CCDC88B: variants seen among roughly 807,000 people sequenced by gnomAD.
The protein encoded by CCDC88B is coiled-coil domain-containing protein 88B.
In CCDC88B, 138 loss-of-function variants were observed where a neutral mutation model predicts 183.7. The observed-to-expected ratio is 0.75, with a 90% CI of 0.65 to 0.87. The LOEUF is 0.87. CCDC88B is among the 40% of genes least tolerant of loss of function. The pLI, the probability that CCDC88B is intolerant of heterozygous loss-of-function variation, is 0.00. For synonymous variants in CCDC88B, 835 were observed against 867.5 expected (o/e 0.96, Z 0.66); for missense variants, 1,822 against 1,965.6 (o/e 0.93, Z 1.38).
At chr11:64,341,871 G>C in intron 7 of CCDC88B, 123 bp from the exon 8 acceptor site, 1 of 757,782 alleles carries the variant, frequency 1.3e-6, no homozygotes, top group Non-Finnish European at 1.8e-6. Context: ...TGGGCCATCA[G>C]TGATGTCACA....
At chr11:64,355,650 G>T (rs200882269) in intron 26 of CCDC88B, 22 bp downstream of exon 26, 8 of 1,593,022 alleles carry the variant, frequency 5.0e-6, no homozygotes, top group Non-Finnish European at 6.8e-6. Context: ...ACTGTGGAAG[G>T]AGTAGTATTC....
intron 24 of CCDC88B, among the ~76,000 whole-genome samples, chr11:64,354,939 C>G (rs541133470): frequency 1.7e-5 from 1 of 58,366 alleles, no homozygotes; most frequent in South Asian, 7.8e-4. Flanking sequence ...TCAGCCCCCC[C>G]GCTCCCCTCG....
chr11:64,343,121 C>A, intron 10 of CCDC88B, 58 bp from the exon 11 acceptor site: 1 of 1,465,838 alleles, frequency 6.8e-7, no homozygotes, highest in Non-Finnish European at 9.0e-7. Context: ...TTGGGACCCT[C>A]AGGCGCTGGA....
At chr11:64,356,685 G>A (rs2036556869) in intron 26 of CCDC88B, 1 of 354,558 alleles carries the variant, frequency 2.8e-6, no homozygotes, top group Non-Finnish European at 5.1e-6. Context: ...GACCCGGCTG[G>A]ACCATCAGGA....
intron 2 of CCDC88B, 69 bp from the exon 3 acceptor site, chr11:64,340,838 G>T (rs1340007293): frequency 3.9e-6 from 6 of 1,539,100 alleles, no homozygotes; most frequent in African/African-American, 1.4e-5. Flanking sequence ...TCAGTGGGCG[G>T]GGCCTGAGGG....
chr11:64,347,008 A>T (rs2036139058), intron 14 of CCDC88B, among the ~76,000 whole-genome samples: 1 of 151,224 alleles, frequency 6.6e-6, no homozygotes, highest in Admixed American at 6.6e-5. Flanking sequence ...GTTGGCCAGG[A>T]TGGTCTCAAT....
In CCDC88B at chr11:64,345,156, C is replaced by T. The variant is rs767720029; in HGVS notation, c.2615C>T (p.Ala872Val). The T allele has an allele frequency of 1.5e-5, 23 of 1,539,750 alleles. No individual in the cohort carries two copies. Among genetic ancestry groups the T allele is most frequent in the East Asian group, 4.8e-5 (2 of 41,690 alleles). The change falls in exon 14 of 27, where the codon GCG (alanine) becomes GTG (valine). Residue 872 changes from alanine (A) to valine (V), a missense_variant and splice_region_variant. Transcript: ENST00000356786. ...RERREKEALQ[A>V]ELEKAVVRGK... is the part of the protein sequence containing the mutation. ...CGCCGGGAGAAGGAGGCCCTCCAGG[C>T]GGTAGGTCAGGTTGGGGCTCACCGC...
At position 64,352,753 on chromosome 11, in the gene CCDC88B, G is replaced by A. The variant is rs768594639; in HGVS notation, c.3366G>A (p.Gln1122=). ...CCCTTGTCCATCCCAGGCACGAGCA[G>A]CTGCAGGCCCAGCGGGCCAGCGTGG... The part of the protein sequence containing the change: ...AHRELQGRHE[Q]LQAQRASVEA... The change falls in exon 20 of 27, where the codon CAG becomes CAA. Residue 1122 remains glutamine, a synonymous_variant. Transcript: ENST00000356786. 4 of 1,613,562 alleles carry A rather than the reference G, an allele frequency of 2.5e-6. No individual in the cohort carries two copies. In the Admixed American group the frequency reaches 6.7e-5, roughly 27 times the overall value.
Position 64,357,467 on chromosome 11 carries a change from C to A in CCDC88B, c.*373C>A. 1 of 715,506 alleles carries A rather than the reference C, an allele frequency of 1.4e-6. No individual in the cohort carries two copies. The highest frequency in any genetic ancestry group is 2.6e-6 in the Non-Finnish European group (1 of 383,798). 44.3% of individuals were successfully genotyped at this position (715,506 alleles called of 1,614,324 possible). On this transcript the variant is annotated 3_prime_UTR_variant, in exon 27 of 27. Transcript: ENST00000356786. ...AGTCCCAGTGCTGGGGGACTGTGGC[C>A]TGGGCTGATCTTGAGCCTTAACTGG...
Position 64,357,065 on chromosome 11 carries a change from C to G in CCDC88B, c.4402C>G (p.Arg1468Gly), listed in dbSNP as rs115878644. ...CCCTGAGGTACAGGAACCGGAGAAA[C>G]GTCCCCTCACCCCATCCCTCAGCCA... ...EGPEVQEPEK[R>G]PLTPSLSQ The change falls in exon 27 of 27, where the codon CGT becomes GGT. Residue 1468 changes from arginine to glycine, a missense_variant. Arg to Gly is a moderately radical substitution (Grantham distance 125). Transcript: ENST00000356786. 1,878 of 1,604,938 alleles carry G rather than the reference C, an allele frequency of 1.2e-3. 21 individuals carry two copies. The African/African-American group carries it at 0.023, about 19-fold the overall frequency.
At position 64,357,144 on chromosome 11, in the gene CCDC88B, G is replaced by GCAGCCTTC; in HGVS notation, c.*50_*51insCAGCCTTC. ...AGTGCAGCCTTCTCGGCACTGGAGT[G>GCAGCCTTC]TCAGCGGAGGCCCCAGGCAGCCCAA... On this transcript the variant is annotated 3_prime_UTR_variant, in exon 27 of 27. Coordinates refer to ENST00000356786, the MANE Select transcript of CCDC88B (RefSeq NM_032251.6). The GCAGCCTTC allele has an allele frequency of 6.2e-7, 1 of 1,607,038 alleles. No homozygotes were observed. Among genetic ancestry groups the GCAGCCTTC allele is most frequent in the Non-Finnish European group, 8.5e-7 (1 of 1,173,760 alleles).
At position 64,352,872 on chromosome 11, in the gene CCDC88B, A is replaced by G; in HGVS notation, c.3485A>G (p.Gln1162Arg). Residue 1162 changes from glutamine (Q) to arginine (R), a missense_variant, in exon 20 of 27, where the codon CAG becomes CGG. Transcript: ENST00000356786. ...CTGGAGGAGGAGCTGCGGAGGCTTC[A>G]GAGCGAGCACGACAGGTGCCGCCCC... ...RGLEEELRRL[Q>R]SEHDRAQMLL... 6.2e-7 allele frequency: 1 copy of G among 1,600,564 alleles called. No homozygotes were observed. The highest frequency in any genetic ancestry group is 1.3e-5 in the African/African-American group (1 of 74,838).
At chr11:64,348,450 T>G (rs1349891206) in intron 14 of CCDC88B, among the ~76,000 whole-genome samples, 1 of 152,080 alleles carries the variant, frequency 6.6e-6, no homozygotes, top group Non-Finnish European at 1.5e-5. Flanking sequence ...GGAGGTTCTA[T>G]TCACCGTGCC....
At chr11:64,355,095 CG>C in intron 24 of CCDC88B, 98 bp from the exon 25 acceptor site, 1 of 720,896 alleles carries the variant, frequency 1.4e-6, no homozygotes, top group Non-Finnish European at 1.9e-6. Flanking sequence ...CCCCTCCCTG[CG>C]TGAGCCTCAG....
At chr11:64,340,446 A>T in intron 1 of CCDC88B, 120 bp downstream of exon 1, 12 of 1,085,718 alleles carry the variant, frequency 1.1e-5, no homozygotes, top group South Asian at 1.8e-5. Context: ...CTGGGTTCAA[A>T]TGTGGGGGAT....
In CCDC88B at chr11:64,352,300, C is replaced by T. The variant is rs149205340; in HGVS notation, c.3270C>T (p.Ala1090=). Reference sequence around the variant, plus strand: ...CACAGCTGCAGCGGCGGCAGGAGGCCGAGCTAGAGGGACTGCTGGTGCGGC... The same window carrying T: ...CACAGCTGCAGCGGCGGCAGGAGGCTGAGCTAGAGGGACTGCTGGTGCGGC... ...ALAQLQRRQE[A]ELEGLLVRHR... The change falls in exon 19 of 27, where the codon GCC becomes GCT. Residue 1090 remains alanine, a synonymous_variant. Coordinates refer to ENST00000356786, the MANE Select transcript of CCDC88B (RefSeq NM_032251.6). The T allele has an allele frequency of 2.3e-4, 360 of 1,563,748 alleles. 2 individuals are homozygous for T. The African/African-American group carries it at 4.2e-3, about 18-fold the overall frequency.
chr11:64,355,272 G>A lies in CCDC88B; in HGVS notation c.4178G>A (p.Arg1393Gln), dbSNP rs1283281548. 18 of 1,581,842 alleles carry A rather than the reference G, an allele frequency of 1.1e-5. No individual in the cohort carries two copies. Among genetic ancestry groups the A allele is most frequent in the Middle Eastern group, 1.7e-4 (1 of 5,918 alleles). ...LRDETLAGGQ[R>Q]RKLSSRFPVG... ...GATGAGACCTTGGCAGGCGGGCAGC[G>A]GCGGAAACTCAGCTCAAGGTTCCCG... The change falls in exon 25 of 27, where the codon CGG becomes CAG. Residue 1393 changes from arginine (R) to glutamine (Q), a missense_variant. Coordinates refer to ENST00000356786, the MANE Select transcript of CCDC88B (RefSeq NM_032251.6).
In CCDC88B at chr11:64,341,650, G is replaced by A; in HGVS notation, c.583G>A (p.Gly195Arg). ...GCTGGCACTGTCTGGGCCAGATCCT[G>A]GGGAGCTGGCACCTGCCGAGCTGGA... ...VVLALSGPDP[G>R]ELAPAELEML... The change falls in exon 7 of 27, where the codon GGG becomes AGG. Residue 195 changes from glycine to arginine, a missense_variant. By Grantham distance (125) the Gly-to-Arg change is moderately radical. Transcript: ENST00000356786. 1 of 1,607,212 alleles carries A rather than the reference G, an allele frequency of 6.2e-7. No homozygotes were observed. The highest frequency in any genetic ancestry group is 8.5e-7 in the Non-Finnish European group (1 of 1,177,112).
rs2036388315 is a variant in CCDC88B, at chr11:64,352,735, C to T, written c.3357-9C>T. The T allele has an allele frequency of 6.2e-7, 1 of 1,613,414 alleles. No individual in the cohort carries two copies. The highest frequency in any genetic ancestry group is 8.5e-7 in the Non-Finnish European group (1 of 1,180,006). On this transcript the variant is annotated splice_polypyrimidine_tract_variant and intron_variant, in intron 19 of 26. Transcript: ENST00000356786. ...TCACACAGCCCTCTTAGCCCCTTGT[C>T]CATCCCAGGCACGAGCAGCTGCAGG...
Sources: gnomAD v4.1 joint callset for allele counts (sites outside exome capture counted in the v4.1 genomes callset) on GRCh38, gnomAD v4.1.1 for gene constraint, MANE v1.5 for transcripts, NCBI Gene and HGNC (gene_info 2026-07-23, HGNC 2026-07-21) for gene names.